ARB2A: variants seen among roughly 807,000 people sequenced by gnomAD.
The protein encoded by ARB2A is cotranscriptional regulator ARB2A.
chr5:93,622,628 C>G, the ARB2A span, among the ~76,000 whole-genome samples: 3 of 152,208 alleles, frequency 2.0e-5, no homozygotes, highest in Non-Finnish European at 2.9e-5. Flanking sequence ...TCTCTATCCT[C>G]CTTTCCTCTG....
the ARB2A span, chr5:93,738,807 G>A: frequency 6.6e-6 from 1 of 152,202 alleles, no homozygotes; most frequent in Non-Finnish European, 1.5e-5. Context: ...TGGAGTTATT[G>A]CTTAATGAGA....
At chr5:93,673,209 G>T in the ARB2A span, among the ~76,000 whole-genome samples, 2 of 152,160 alleles carry the variant, frequency 1.3e-5, no homozygotes, top group Non-Finnish European at 2.9e-5. Flanking sequence ...ATTAAAAATA[G>T]AGAGTTTTTA....
the ARB2A span, among the ~76,000 whole-genome samples, chr5:94,044,028 G>C: frequency 6.6e-6 from 1 of 152,154 alleles, no homozygotes; most frequent in Admixed American, 6.5e-5. Flanking sequence ...GTTGTTTTTA[G>C]GTTTGCTTCT....
the ARB2A span, chr5:93,862,321 A>G: frequency 6.6e-6 from 1 of 152,248 alleles, no homozygotes; most frequent in Non-Finnish European, 1.5e-5. Context: ...AGTCTTAACC[A>G]GGTTTACCTG....
the ARB2A span, chr5:93,621,216 C>A: frequency 7.7e-7 from 1 of 1,303,352 alleles, no homozygotes; most frequent in Non-Finnish European, 1.0e-6. Flanking sequence ...AGCCCCGGCT[C>A]CCGACCACCC....
the ARB2A span, among the ~76,000 whole-genome samples, chr5:93,903,922 C>T: frequency 6.6e-6 from 1 of 151,930 alleles, no homozygotes; most frequent in Non-Finnish European, 1.5e-5. Context: ...TTAACAGTTT[C>T]CTTTCTCAAG....
chr5:93,716,101 T>C, the ARB2A span, among the ~76,000 whole-genome samples: 13 of 152,318 alleles, frequency 8.5e-5, no homozygotes, highest in East Asian at 5.8e-4. Context: ...AACTATATAA[T>C]AGATGTATTT....
At chr5:94,068,042 G>A in the ARB2A span, among the ~76,000 whole-genome samples, 23 of 152,282 alleles carry the variant, frequency 1.5e-4, no homozygotes, top group African/African-American at 5.3e-4. Flanking sequence ...CGAAGTGTGC[G>A]GATCACTTTG....
At chr5:94,061,232 C>T in the ARB2A span, among the ~76,000 whole-genome samples, 3 of 151,726 alleles carry the variant, frequency 2.0e-5, no homozygotes, top group Non-Finnish European at 2.9e-5. Flanking sequence ...AGCAAGACTC[C>T]GTCTCAAAAA....
the ARB2A span, among the ~76,000 whole-genome samples, chr5:93,694,381 C>T: frequency 4.6e-5 from 7 of 152,056 alleles, no homozygotes; most frequent in East Asian, 3.8e-4. Flanking sequence ...ACAAGCATTC[C>T]TATACACCAA....
At chr5:93,971,770 G>A in the ARB2A span, among the ~76,000 whole-genome samples, 1 of 151,958 alleles carries the variant, frequency 6.6e-6, no homozygotes, top group South Asian at 2.1e-4. Context: ...ATAATTGGTT[G>A]GATTCCTCAA....
At chr5:93,948,270 T>A in the ARB2A span, among the ~76,000 whole-genome samples, 1 of 152,248 alleles carries the variant, frequency 6.6e-6, no homozygotes, top group Admixed American at 6.5e-5. Flanking sequence ...CCAGTGATGA[T>A]GAGCATTTTT....
the ARB2A span, among the ~76,000 whole-genome samples, chr5:93,647,881 A>G: frequency 6.6e-6 from 1 of 152,088 alleles, no homozygotes; most frequent in Non-Finnish European, 1.5e-5. Flanking sequence ...GGTGGCTTAC[A>G]TCTGTAATCC....
At chr5:93,863,432 T>C in the ARB2A span, 3 of 151,362 alleles carry the variant, frequency 2.0e-5, no homozygotes, top group South Asian at 2.1e-4. Flanking sequence ...TATCTATATA[T>C]ATATATTTAT....
chr5:93,965,301 C>A, the ARB2A span, among the ~76,000 whole-genome samples: 1 of 151,902 alleles, frequency 6.6e-6, no homozygotes, highest in Non-Finnish European at 1.5e-5. Context: ...GTGGAATAAC[C>A]TTCAGTTTAC....
the ARB2A span, among the ~76,000 whole-genome samples, chr5:93,752,617 T>C: frequency 1.6e-4 from 24 of 152,078 alleles, no homozygotes; most frequent in Non-Finnish European, 3.5e-4. Context: ...TTGGAATTAC[T>C]GGAAAACTGA....
the ARB2A span, among the ~76,000 whole-genome samples, chr5:93,995,219 A>G: frequency 6.6e-6 from 1 of 152,196 alleles, no homozygotes; most frequent in South Asian, 2.1e-4. Flanking sequence ...ACGTGTTGTG[A>G]GTACCCACTT....
chr5:93,933,734 T>C, the ARB2A span, among the ~76,000 whole-genome samples: 2 of 152,098 alleles, frequency 1.3e-5, no homozygotes, highest in African/African-American at 2.4e-5. Flanking sequence ...CAAACCACCA[T>C]GGCATGTGTA....
the ARB2A span, among the ~76,000 whole-genome samples, chr5:93,768,038 G>T: frequency 4.6e-3 from 612 of 132,146 alleles, 4 homozygotes; most frequent in Non-Finnish European, 7.3e-3. Flanking sequence ...TGAATTAACA[G>T]CATTTGCACC....
Sources: gnomAD v4.1 joint callset for allele counts (sites outside exome capture counted in the v4.1 genomes callset) on GRCh38, gnomAD v4.1.1 for gene constraint, MANE v1.5 for transcripts, NCBI Gene and HGNC (gene_info 2026-07-23, HGNC 2026-07-21) for gene names.